Variants in PCDH15 observed in about 807,000 individuals in gnomAD.
PCDH15 encodes protocadherin related 15.
Under a neutral mutation model 178.5 loss-of-function variants are expected in PCDH15, and 129 were observed. The ratio of observed to expected loss-of-function variants is 0.72; its 90% confidence interval spans 0.63 to 0.84. PCDH15 has a LOEUF of 0.84. Ranked by LOEUF, PCDH15 falls within the 40% of genes least tolerant of loss-of-function variation. PCDH15 has a pLI of 0.00. For missense variants in PCDH15, 2,230 were observed against 2,099.9 expected (o/e 1.06, Z -1.21); for synonymous variants, 800 against 732.0 (o/e 1.09, Z -1.50).
At chr10:55,283,284 C>T (rs1436842755) in intron 1 of PCDH15, among the ~76,000 whole-genome samples, 2 of 152,058 alleles carry the variant, frequency 1.3e-5, no homozygotes, top group African/African-American at 2.4e-5. Context: ...ACGAGGACAG[C>T]TTCAACTCCC....
intron 8 of PCDH15, among the ~76,000 whole-genome samples, chr10:54,293,753 C>A (rs1309064989): frequency 6.6e-6 from 1 of 152,160 alleles, no homozygotes; most frequent in African/African-American, 2.4e-5. Context: ...AAATGCAAAT[C>A]AAAACCACAA....
At chr10:55,446,721 G>A (rs1839326113) in intron 2 of PCDH15, among the ~76,000 whole-genome samples, 1 of 152,036 alleles carries the variant, frequency 6.6e-6, no homozygotes, top group Admixed American at 6.6e-5. Flanking sequence ...AGGCTTTATT[G>A]TTTCCAGTTG....
intron 18 of PCDH15, among the ~76,000 whole-genome samples, chr10:54,060,532 A>G (rs1210570767): frequency 1.3e-5 from 2 of 152,172 alleles, no homozygotes; most frequent in African/African-American, 2.4e-5. Flanking sequence ...AAACCTGTAC[A>G]TATATTATGT....
chr10:54,051,129 G>A (rs958867240), intron 18 of PCDH15, among the ~76,000 whole-genome samples: 9 of 152,106 alleles, frequency 5.9e-5, no homozygotes, highest in African/African-American at 1.7e-4. Flanking sequence ...TCCCCGTCTC[G>A]AGTATGTCTT....
At chr10:54,829,399 TTA>T (rs1953185207) in intron 3 of PCDH15, among the ~76,000 whole-genome samples, 1 of 152,040 alleles carries the variant, frequency 6.6e-6, no homozygotes, top group Admixed American at 6.6e-5. Flanking sequence ...AGTAAGTATT[TTA>T]TGATTGCATC....
intron 1 of PCDH15, among the ~76,000 whole-genome samples, chr10:54,703,295 G>GTT (rs141710609): frequency 2.1e-3 from 312 of 152,120 alleles, no homozygotes; most frequent in African/African-American, 7.3e-3. Context: ...AAAGCAGGAA[G>GTT]TGTCCCCTGC....
chr10:53,979,764 A>T (rs1347421678), intron 21 of PCDH15, among the ~76,000 whole-genome samples: 1 of 152,240 alleles, frequency 6.6e-6, no homozygotes, highest in African/African-American at 2.4e-5. Flanking sequence ...CGGAGGTGCT[A>T]CAACTAGAGA....
chr10:55,584,350 G>A (rs1415117386), intron 2 of PCDH15, among the ~76,000 whole-genome samples: 2 of 91,200 alleles, frequency 2.2e-5, no homozygotes, highest in African/African-American at 9.9e-5. Context: ...AATTCTGGAA[G>A]TTTCCTTAAA....
At chr10:53,939,032 A>G in intron 24 of PCDH15, 77 bp from the exon 25 acceptor site, 1 of 1,473,472 alleles carries the variant, frequency 6.8e-7, no homozygotes, top group East Asian at 2.3e-5. Context: ...AGGCACTGTG[A>G]TTTCAAAAAC....
At chr10:55,618,494 C>T (rs1303571196) in intron 2 of PCDH15, among the ~76,000 whole-genome samples, 1 of 152,004 alleles carries the variant, frequency 6.6e-6, no homozygotes, top group African/African-American at 2.4e-5. Flanking sequence ...ATAAGAAGGT[C>T]TTTGTATACA....
chr10:54,381,064 G>GA (rs558098416), intron 3 of PCDH15, among the ~76,000 whole-genome samples: 58 of 137,274 alleles, frequency 4.2e-4, no homozygotes, highest in South Asian at 9.2e-4. Flanking sequence ...TTGCCAAAAA[G>GA]AAAAAAAAAA....
At chr10:54,455,574 T>C (rs2076763057) in intron 3 of PCDH15, among the ~76,000 whole-genome samples, 1 of 152,098 alleles carries the variant, frequency 6.6e-6, no homozygotes, top group South Asian at 2.1e-4. Context: ...TTAGGGTATC[T>C]GGCAGAAAAA....
At chr10:55,520,962 G>A (rs1841161256) in intron 2 of PCDH15, among the ~76,000 whole-genome samples, 1 of 151,734 alleles carries the variant, frequency 6.6e-6, no homozygotes, top group Non-Finnish European at 1.5e-5. Context: ...TGGTAAGAAT[G>A]CTTAAGATCT....
intron 2 of PCDH15, among the ~76,000 whole-genome samples, chr10:55,617,842 T>C (rs1843510324): frequency 6.6e-6 from 1 of 152,032 alleles, no homozygotes; most frequent in South Asian, 2.1e-4. Context: ...TTTTAGAACA[T>C]TCTTAGACTT....
At chr10:54,277,042 GT>G (rs1055330732) in intron 8 of PCDH15, among the ~76,000 whole-genome samples, 23 of 151,208 alleles carry the variant, frequency 1.5e-4, no homozygotes, top group African/African-American at 2.4e-4. Flanking sequence ...AATTCAGCAC[GT>G]TTTTTTTCCT....
At chr10:55,345,261 C>A (rs973978602) in intron 2 of PCDH15, among the ~76,000 whole-genome samples, 2 of 106,232 alleles carry the variant, frequency 1.9e-5, no homozygotes, top group Non-Finnish European at 3.9e-5. Context: ...ATTTGCTAGC[C>A]ATGACATAAT....
chr10:54,653,072 A>T (rs555053995), intron 2 of PCDH15, among the ~76,000 whole-genome samples: 2 of 152,334 alleles, frequency 1.3e-5, no homozygotes, highest in Admixed American at 1.3e-4. Context: ...ATTTGAACTC[A>T]TGATAACCCT....
At chr10:54,150,633 C>A (rs2044433471) in intron 14 of PCDH15, among the ~76,000 whole-genome samples, 1 of 151,408 alleles carries the variant, frequency 6.6e-6, no homozygotes, top group East Asian at 1.9e-4. Flanking sequence ...AGTATTTTAT[C>A]CAATTAATTA....
At chr10:55,588,757 T>C (rs1842776174) in intron 2 of PCDH15, among the ~76,000 whole-genome samples, 1 of 152,144 alleles carries the variant, frequency 6.6e-6, no homozygotes, top group Admixed American at 6.5e-5. Flanking sequence ...TATAAAATTT[T>C]GCTCTAGCAA....
Sources: allele counts gnomAD v4.1 joint callset (sites outside exome capture counted in the v4.1 genomes callset), GRCh38; gene constraint gnomAD v4.1.1; transcripts MANE v1.5; gene names NCBI Gene and HGNC (gene_info 2026-07-23, HGNC 2026-07-21).